Variants in EIF3E observed in about 807,000 individuals in gnomAD.
The protein encoded by EIF3E is eukaryotic translation initiation factor 3 subunit E, also known as eIF-3 p48.
In EIF3E, 25 loss-of-function variants were observed where a neutral mutation model predicts 59.3. The observed-to-expected ratio is 0.42, with a 90% CI of 0.31 to 0.59. EIF3E has a LOEUF of 0.59. EIF3E is among the 20% of genes least tolerant of loss of function. The probability of loss-of-function intolerance (pLI) is 0.15; values close to 1 mark genes in which losing one functional copy is unlikely to be tolerated. For missense variants in EIF3E, 317 were observed against 534.3 expected (o/e 0.59, Z 4.01); for synonymous variants, 176 against 170.2 (o/e 1.03, Z -0.26).
At chr8:108,246,092 A>C (rs1815942437) in intron 1 of EIF3E, among the ~76,000 whole-genome samples, 1 of 152,204 alleles carries the variant, frequency 6.6e-6, no homozygotes, top group South Asian at 2.1e-4. Context: ...TAGCATATAC[A>C]GTGTGGATAC....
rs201250614 is a variant in EIF3E, at chr8:108,236,142, A to T, written c.366+19T>A. The T allele has an allele frequency of 8.4e-4, 1,344 of 1,602,148 alleles. 1 individual carries two copies. Among genetic ancestry groups the T allele is most frequent in the Non-Finnish European group, 1.1e-3 (1,265 of 1,174,596 alleles). ...ATTATTAAAACATGACAACTTTAAA[A>T]TATTTTTAAAACACTTACACCATGC... On this transcript the variant is annotated intron_variant, in intron 4 of 12. Transcript: ENST00000220849.
chr8:108,234,905 G>A, intron 5 of EIF3E, 93 bp downstream of exon 5: 1 of 684,030 alleles, frequency 1.5e-6, no homozygotes. Context: ...TTAATGAACA[G>A]ACCCAAATCT....
At chr8:108,203,292 A>G in intron 11 of EIF3E, 109 bp downstream of exon 11, 1 of 1,304,620 alleles carries the variant, frequency 7.7e-7, no homozygotes, top group South Asian at 1.4e-5. Context: ...ACTGTTTTAC[A>G]TTAAAACAAA....
In EIF3E at chr8:108,207,700, T is replaced by C. The variant is rs187241127; in HGVS notation, c.1062-4197A>G. ...TCTGTAAATCCTTTATAAATATCTT[T>C]AACCTAACTAGCTCTGCTGCTCAAC... On this transcript the variant is annotated intron_variant, in intron 10 of 12. Coordinates refer to ENST00000220849, the MANE Select transcript of EIF3E (RefSeq NM_001568.3). 6.7e-4 allele frequency among the ~76,000 whole-genome samples: 102 copies of C among 152,316 alleles called. No individual in the cohort carries two copies. In the Middle Eastern group the frequency reaches 0.01, roughly 15 times the overall value.
intron 10 of EIF3E, among the ~76,000 whole-genome samples, chr8:108,208,753 C>G (rs1177725402): frequency 6.6e-6 from 1 of 152,078 alleles, no homozygotes. Flanking sequence ...TATGCTCCAA[C>G]ATGTTTATCA....
At chr8:108,219,192 T>C (rs1815360413) in intron 7 of EIF3E, among the ~76,000 whole-genome samples, 1 of 152,364 alleles carries the variant, frequency 6.6e-6, no homozygotes, top group East Asian at 1.9e-4. Flanking sequence ...GTTCAACTCA[T>C]AGTTATTTTT....
chr8:108,244,237 T>A (rs1815901358), intron 1 of EIF3E, among the ~76,000 whole-genome samples: 1 of 152,200 alleles, frequency 6.6e-6, no homozygotes, highest in African/African-American at 2.4e-5. Context: ...GGGTATAAAG[T>A]TAATATTCTA....
intron 1 of EIF3E, chr8:108,242,685 G>A: frequency 2.7e-6 from 3 of 1,120,234 alleles, no homozygotes; most frequent in Non-Finnish European, 3.3e-6. Context: ...CAAATTACAT[G>A]CAGAACTCCT....
chr8:108,205,522 G>A (rs1490259042), intron 10 of EIF3E, among the ~76,000 whole-genome samples: 1 of 152,102 alleles, frequency 6.6e-6, no homozygotes, highest in African/African-American at 2.4e-5. Flanking sequence ...ACTTTCTGTG[G>A]TTTCTGTTAT....
At chr8:108,203,620 T>C in intron 10 of EIF3E, 117 bp from the exon 11 acceptor site, 2 of 762,694 alleles carry the variant, frequency 2.6e-6, no homozygotes, top group Non-Finnish European at 4.5e-6. Context: ...GGATCACCCT[T>C]CTCTTATATA....
Position 108,240,022 on chromosome 8 carries a change from C to T in EIF3E, c.259G>A (p.Glu87Lys). The T allele has an allele frequency of 6.2e-7, 1 of 1,614,048 alleles. No individual in the cohort carries two copies. Among genetic ancestry groups the T allele is most frequent in the Non-Finnish European group, 8.5e-7 (1 of 1,179,982 alleles). ...VVAQLKQLQA[E>K]TEPIVKMFED... The stretch of plus-strand genomic sequence containing the variant: ...AACATCTTCACAATTGGTTCTGTTT[C>T]TGCCTGAAGCTGTTTCAGTTGTGCA... Residue 87 changes from glutamate to lysine, a missense_variant, in exon 3 of 13, where the codon GAA becomes AAA. Physicochemically the swap from Glu to Lys is moderately conservative, Grantham distance 56. Around this residue, in one of 4 missense-constraint regions of EIF3E, gnomAD observed 242 missense variants for 398.0 expected, o/e 0.61. Coordinates refer to ENST00000220849, the MANE Select transcript of EIF3E (RefSeq NM_001568.3).
chr8:108,213,201 T>C (rs1815242932), intron 10 of EIF3E, among the ~76,000 whole-genome samples: 1 of 152,032 alleles, frequency 6.6e-6, no homozygotes. Context: ...AGAAAGAAAA[T>C]AATGAATACA....
rs1446343296 is a variant in EIF3E, at chr8:108,229,422, A to G, written c.472-227T>C. 2.5e-5 allele frequency: 8 copies of G among 323,016 alleles called. 1 individual carries two copies. Among genetic ancestry groups the G allele is most frequent in the African/African-American group, 1.1e-4 (5 of 46,792 alleles). The allele number at this position is 323,016 out of a possible 1,614,324, so 20.0% of individuals were successfully genotyped here. A position where few individuals can be genotyped will look rare whatever the true frequency, so the allele number is the denominator to read the frequency against. ...AGTCTAGATAAGAAAATAAAAAATA[A>G]CTTTTATAACTAGGAAACAGCAGCA... is the stretch of plus-strand genomic sequence containing the variant. On this transcript the variant is annotated intron_variant, in intron 5 of 12. Coordinates refer to ENST00000220849, the MANE Select transcript of EIF3E (RefSeq NM_001568.3).
chr8:108,208,369 G>A (rs1409247618), intron 10 of EIF3E, among the ~76,000 whole-genome samples: 1 of 152,070 alleles, frequency 6.6e-6, no homozygotes, highest in Non-Finnish European at 1.5e-5. Flanking sequence ...AGTACTCCAA[G>A]TCTTTTCTAA....
chr8:108,206,011 G>A (rs1301821974), intron 10 of EIF3E, among the ~76,000 whole-genome samples: 1 of 152,036 alleles, frequency 6.6e-6, no homozygotes, highest in Non-Finnish European at 1.5e-5. Flanking sequence ...TTGGGTAAGG[G>A]GAGACTACTA....
intron 7 of EIF3E, among the ~76,000 whole-genome samples, chr8:108,225,354 G>T (rs1815498636): frequency 6.6e-6 from 1 of 151,486 alleles, no homozygotes; most frequent in Non-Finnish European, 1.5e-5. Context: ...GTCTGGTAGT[G>T]ATGTTCATGA....
chr8:108,207,209 G>A (rs572178008), intron 10 of EIF3E, among the ~76,000 whole-genome samples: 2 of 152,124 alleles, frequency 1.3e-5, no homozygotes, highest in South Asian at 2.1e-4. Flanking sequence ...TGATTAATAG[G>A]CCTGTAATCT....
chr8:108,204,481 T>C (rs908557820), intron 10 of EIF3E, among the ~76,000 whole-genome samples: 7 of 151,972 alleles, frequency 4.6e-5, no homozygotes, highest in African/African-American at 1.7e-4. Context: ...TTCTCCTTTA[T>C]AAGTGGGAGC....
At position 108,228,186 on chromosome 8, in the gene EIF3E, G is replaced by A. The variant is rs1290951585; in HGVS notation, c.722+81C>T. 8 of 1,357,888 alleles carry A rather than the reference G, an allele frequency of 5.9e-6. No individual in the cohort carries two copies. The East Asian group carries it at 1.0e-4, about 18-fold the overall frequency. 84.1% of individuals were successfully genotyped at this position (1,357,888 alleles called of 1,614,324 possible). On this transcript the variant is annotated intron_variant, in intron 7 of 12. Transcript: ENST00000220849. ...CAGGTGACAACAAATTCAAATGATAGAAAAAAGTATATTTTAAGTTTAAAC... is the reference window on the plus strand; with the variant it reads ...CAGGTGACAACAAATTCAAATGATAAAAAAAAGTATATTTTAAGTTTAAAC...
Sources: allele counts gnomAD v4.1 joint callset (sites outside exome capture counted in the v4.1 genomes callset), GRCh38; gene constraint gnomAD v4.1.1; regional missense constraint gnomAD v4.1.1; transcripts MANE v1.5; gene names NCBI Gene and HGNC (gene_info 2026-07-23, HGNC 2026-07-21).